OARD1: variants seen among roughly 807,000 people sequenced by gnomAD.
OARD1 encodes O-acyl-ADP-ribose deacylase 1, also known as ADP-ribose glycohydrolase OARD1.
A neutral mutation model predicts 19.7 loss-of-function variants in OARD1; 19 were observed. That is an observed-to-expected ratio of 0.96 (90% confidence interval 0.67 to 1.41). OARD1 has a LOEUF of 1.41. Ranked by LOEUF, OARD1 falls within the 40% of genes most tolerant of loss-of-function variation. The pLI is 0.00. For synonymous variants in OARD1, 70 were observed against 61.8 expected, an observed-to-expected ratio of 1.13 and a Z score of -0.62; for missense variants, 190 against 183.8, an observed-to-expected ratio of 1.03 and a Z score of -0.20.
At chr6:41,079,218 C>T in intron 1 of OARD1, 2 of 1,527,902 alleles carry the variant, frequency 1.3e-6, no homozygotes, top group Non-Finnish European at 1.8e-6. Flanking sequence ...ATAACAGCAC[C>T]ACTCAATTGG....
At chr6:41,082,158 G>A (rs1763928616) in intron 1 of OARD1, among the ~76,000 whole-genome samples, 1 of 152,146 alleles carries the variant, frequency 6.6e-6, no homozygotes, top group Admixed American at 6.5e-5. Flanking sequence ...ACCTCTTATT[G>A]TCATCACTTT....
intron 1 of OARD1, among the ~76,000 whole-genome samples, chr6:41,081,263 GC>G (rs1417690935): frequency 6.6e-6 from 1 of 152,206 alleles, no homozygotes; most frequent in Middle Eastern, 3.2e-3. Flanking sequence ...GCCGAGGCAG[GC>G]GGATCACGAG....
intron 1 of OARD1, chr6:41,084,322 T>C: frequency 9.0e-7 from 1 of 1,107,712 alleles, no homozygotes; most frequent in Non-Finnish European, 1.3e-6. Context: ...TTCAGTTGAT[T>C]TTCTGCCTTT....
intron 1 of OARD1, chr6:41,084,308 T>C: frequency 8.2e-7 from 1 of 1,217,650 alleles, no homozygotes; most frequent in Non-Finnish European, 1.1e-6. Context: ...ACCCACATTT[T>C]GCATTCAGTT....
At chr6:41,090,351 CT>C in intron 1 of OARD1, 3 of 1,321,600 alleles carry the variant, frequency 2.3e-6, no homozygotes, top group East Asian at 2.3e-5. Flanking sequence ...TTTGGGGCAA[CT>C]TTTTTGTCCC....
chr6:41,090,123 A>ATTTTT (rs202114917), intron 1 of OARD1: 2 of 814,800 alleles, frequency 2.5e-6, no homozygotes, highest in Non-Finnish European at 3.8e-6. Context: ...CAAAAAAATA[A>ATTTTT]TTTTTTTTTT....
upstream of OARD1, among the ~76,000 whole-genome samples, chr6:41,073,648 C>T (rs915294744): frequency 6.6e-6 from 1 of 152,100 alleles, no homozygotes; most frequent in African/African-American, 2.4e-5. Context: ...AGGGTGCGCG[C>T]CGCGGCCGCG....
upstream of OARD1, chr6:41,072,930 G>C (rs974345723): frequency 6.5e-6 from 1 of 153,836 alleles, no homozygotes; most frequent in African/African-American, 2.4e-5. Flanking sequence ...CGCGGAGGCG[G>C]TTGGAGGGAG....
intron 1 of OARD1, chr6:41,080,916 C>T: frequency 6.3e-7 from 1 of 1,599,626 alleles, no homozygotes; most frequent in Non-Finnish European, 8.6e-7. Context: ...CTCTCTGATT[C>T]TCTGTGAGCA....
intron 1 of OARD1, chr6:41,091,791 G>T: frequency 1.4e-6 from 2 of 1,386,168 alleles, no homozygotes; most frequent in Non-Finnish European, 2.0e-6. Flanking sequence ...TTGGGATTGA[G>T]ATCGATCCTT....
In OARD1 at chr6:41,071,629, G is replaced by A. The variant is rs1179617357; in HGVS notation, c.6C>T (p.Ala2=). The change falls in exon 2 of 6, where the codon GCC becomes GCT. Residue 2 remains alanine (A), a synonymous_variant. Coordinates refer to ENST00000424266, the MANE Select transcript of OARD1 (RefSeq NM_001329686.2). ...CTTCTGGATCTTCATTAAGGCTGCTGGCCATGATACTGAGTCGCTATTTCC... is the reference window on the plus strand; with the variant it reads ...CTTCTGGATCTTCATTAAGGCTGCTAGCCATGATACTGAGTCGCTATTTCC... M[A]SSLNEDPEGS... The A allele has an allele frequency of 3.7e-6, 6 of 1,613,068 alleles. No homozygotes were observed. The highest frequency in any genetic ancestry group is 4.2e-6 in the Non-Finnish European group (5 of 1,179,122).
At chr6:41,097,633 C>G in intron 1 of OARD1, 1 of 500,532 alleles carries the variant, frequency 2.0e-6, no homozygotes, top group Non-Finnish European at 3.6e-6. Flanking sequence ...CTATTTCAGA[C>G]TGTTGATGAC....
intron 1 of OARD1, among the ~76,000 whole-genome samples, chr6:41,080,182 T>C (rs764391727): frequency 1.3e-5 from 2 of 152,198 alleles, no homozygotes; most frequent in Non-Finnish European, 2.9e-5. Flanking sequence ...GGCATGGTGC[T>C]GCATGCCTGT....
chr6:41,087,094 T>G (rs1764070814), intron 1 of OARD1, among the ~76,000 whole-genome samples: 1 of 152,188 alleles, frequency 6.6e-6, no homozygotes, highest in African/African-American at 2.4e-5. Context: ...GTTTATGTAT[T>G]TATACAAAAA....
intron 1 of OARD1, among the ~76,000 whole-genome samples, chr6:41,092,713 A>G (rs1477420852): frequency 6.6e-6 from 1 of 152,156 alleles, no homozygotes; most frequent in Non-Finnish European, 1.5e-5. Flanking sequence ...TGAATCTCCT[A>G]TGACACAGTC....
At chr6:41,079,109 A>G in intron 1 of OARD1, 1 of 1,614,172 alleles carries the variant, frequency 6.2e-7, no homozygotes. Context: ...TATACAGCAA[A>G]CAGCAATAGT....
intron 1 of OARD1, among the ~76,000 whole-genome samples, chr6:41,087,224 T>C (rs1289978191): frequency 6.6e-6 from 1 of 152,240 alleles, no homozygotes; most frequent in African/African-American, 2.4e-5. Flanking sequence ...TATTTGCCAA[T>C]ACTTTCTGAA....
intron 1 of OARD1, among the ~76,000 whole-genome samples, chr6:41,096,209 C>A (rs184733339): frequency 1.4e-4 from 22 of 152,248 alleles, no homozygotes; most frequent in African/African-American, 5.3e-4. Flanking sequence ...GCCTTATCAC[C>A]CCCTCAACAA....
rs1561844995 is a variant in OARD1 at position 41,071,599 on chromosome 6, G to A, written c.36C>T (p.Ser12=). Reference sequence around the variant, plus strand: ...TAAGTCAATAGTTGTTACGCACTCTGCTTCCTTCTGGATCTTCATTAAGGC... The same window carrying A: ...TAAGTCAATAGTTGTTACGCACTCTACTTCCTTCTGGATCTTCATTAAGGC... ...ASSLNEDPEG[S]RITYVKGDLF... is the part of the protein sequence containing the mutation. Residue 12 remains serine (S), a synonymous_variant, in exon 2 of 6, where the codon AGC becomes AGT. Transcript: ENST00000424266. 6.2e-7 allele frequency: 1 copy of A among 1,612,316 alleles called. No homozygotes were observed. Among genetic ancestry groups the A allele is most frequent in the South Asian group, 1.1e-5 (1 of 91,056 alleles).
Sources: gnomAD v4.1 joint callset for allele counts (sites outside exome capture counted in the v4.1 genomes callset) on GRCh38, gnomAD v4.1.1 for gene constraint, MANE v1.5 for transcripts, NCBI Gene and HGNC (gene_info 2026-07-23, HGNC 2026-07-21) for gene names.